Variants in ARHGEF7 observed in about 807,000 individuals in gnomAD.
ARHGEF7 encodes the protein PAK-interacting exchange factor beta.
A neutral mutation model predicts 109.8 loss-of-function variants in ARHGEF7; 33 were observed. That is an observed-to-expected ratio of 0.30 (90% CI 0.23 to 0.40). ARHGEF7 has a LOEUF of 0.40. Ranked by LOEUF, ARHGEF7 falls within the 10% of genes least tolerant of loss-of-function variation. The pLI is 1.00. For synonymous variants in ARHGEF7, 458 were observed against 424.6 expected, an observed-to-expected ratio of 1.08 and a Z score of -0.97; for missense variants, 938 against 1,098.5, an observed-to-expected ratio of 0.85 and a Z score of 2.07.
intron 5 of ARHGEF7, among the ~76,000 whole-genome samples, chr13:111,224,899 C>T (rs1286630208): frequency 1.3e-5 from 2 of 152,172 alleles, no homozygotes; most frequent in Non-Finnish European, 2.9e-5. Context: ...GGCTGCATTA[C>T]AGGATGGACC....
At position 111,272,569 on chromosome 13, in the gene ARHGEF7, A is replaced by G. The variant is rs967966299; in HGVS notation, c.1074-1245A>G. On this transcript the variant is annotated intron_variant, in intron 9 of 21. Transcript: ENST00000646102. This position sits in a 1 kb window ranked among gnomAD's most constrained non-coding sequence, Gnocchi z 5.2. ...AAAATTTGTTCCTAGGATTTGTGCC[A>G]TGGGTATCATTTGAACCAAGCTCTG... Among the ~76,000 whole-genome samples the G allele has an allele frequency of 2.6e-4, 39 of 152,304 alleles. No individual in the cohort carries two copies. The highest frequency in any genetic ancestry group is 1.4e-3 in the Admixed American group (22 of 15,306).
At chr13:111,193,578 C>G (rs1304047757) in intron 2 of ARHGEF7, among the ~76,000 whole-genome samples, 1 of 152,230 alleles carries the variant, frequency 6.6e-6, no homozygotes, top group Non-Finnish European at 1.5e-5. Flanking sequence ...GATAAGCGTA[C>G]TTGCTATCTG....
chr13:111,184,046 C>G (rs1428778039), intron 2 of ARHGEF7, among the ~76,000 whole-genome samples: 1 of 152,106 alleles, frequency 6.6e-6, no homozygotes, highest in Non-Finnish European at 1.5e-5. Context: ...ATAATAATCC[C>G]CACCTGTCAA....
intron 1 of ARHGEF7, among the ~76,000 whole-genome samples, chr13:111,132,829 C>CT (rs1293358435): frequency 1.4e-3 from 209 of 147,008 alleles, no homozygotes; most frequent in African/African-American, 4.8e-3. Context: ...CTTTTTAATC[C>CT]TTTTTTTTTT....
intron 2 of ARHGEF7, among the ~76,000 whole-genome samples, chr13:111,155,752 G>A (rs1438813165): frequency 6.6e-6 from 1 of 152,202 alleles, no homozygotes; most frequent in African/African-American, 2.4e-5. Flanking sequence ...TCTGACTTTA[G>A]TGTAAAACTT....
intron 2 of ARHGEF7, among the ~76,000 whole-genome samples, chr13:111,175,103 T>G (rs887558470): frequency 3.9e-5 from 6 of 152,182 alleles, no homozygotes; most frequent in African/African-American, 1.2e-4. Context: ...TGGGACGAGC[T>G]TCTCTAAATT....
chr13:111,280,103 A>G (rs966808514), intron 13 of ARHGEF7, among the ~76,000 whole-genome samples, 169 bp from the exon 14 acceptor site: 3 of 152,138 alleles, frequency 2.0e-5, no homozygotes, highest in African/African-American at 7.2e-5. Flanking sequence ...ATTATTTGAG[A>G]TAAAAATTTT....
intron 2 of ARHGEF7, among the ~76,000 whole-genome samples, chr13:111,168,135 C>G (rs1397713266): frequency 6.6e-6 from 1 of 152,168 alleles, no homozygotes; most frequent in African/African-American, 2.4e-5. Flanking sequence ...GGTTTTTCCT[C>G]TCTCGTCCAG....
At chr13:111,141,368 T>C (rs893983574) in intron 1 of ARHGEF7, among the ~76,000 whole-genome samples, 4 of 152,038 alleles carry the variant, frequency 2.6e-5, no homozygotes, top group African/African-American at 9.7e-5. Flanking sequence ...GTTTTTTTTT[T>C]TTAAATTACA....
In ARHGEF7 at chr13:111,288,395, A is replaced by G. The variant is rs769369057; in HGVS notation, c.2086A>G (p.Ile696Val). Residue 696 changes from isoleucine (I) to valine (V), a missense_variant, in exon 18 of 22, where the codon ATT becomes GTT. Physicochemically the swap from Ile to Val is conservative, Grantham distance 29. Transcript: ENST00000646102. ...LEEDAQILKV[I>V]EAYCTSAKTR... ...AGAAGATGCTCAGATTCTGAAAGTC[A>G]TTGAAGCTTACTGCACCAGCGCCAA... is the stretch of plus-strand genomic sequence containing the variant. 15 of 1,613,880 alleles carry G rather than the reference A, an allele frequency of 9.3e-6. No homozygotes were observed. Among genetic ancestry groups the G allele is most frequent in the Non-Finnish European group, 1.3e-5 (15 of 1,179,764 alleles).
At chr13:111,289,025 A>C (rs2093149429) in intron 18 of ARHGEF7, among the ~76,000 whole-genome samples, 3 of 152,062 alleles carry the variant, frequency 2.0e-5, no homozygotes, top group Non-Finnish European at 4.4e-5. Context: ...TTTTTCTATT[A>C]AGGTGGCTTT....
At chr13:111,117,695 C>T (rs571751941) in intron 1 of ARHGEF7, among the ~76,000 whole-genome samples, 10 of 152,062 alleles carry the variant, frequency 6.6e-5, no homozygotes, top group African/African-American at 9.6e-5. Flanking sequence ...CTTTCTTTCT[C>T]TCTCTCTCTC....
intron 5 of ARHGEF7, among the ~76,000 whole-genome samples, chr13:111,225,656 T>C (rs895506085): frequency 6.6e-6 from 1 of 152,202 alleles, no homozygotes; most frequent in African/African-American, 2.4e-5. Flanking sequence ...GTATCCGTTA[T>C]GGTGATCTGT....
intron 1 of ARHGEF7, among the ~76,000 whole-genome samples, chr13:111,134,038 C>T (rs961811591): frequency 1.7e-4 from 26 of 149,794 alleles, no homozygotes; most frequent in South Asian, 6.4e-4. Flanking sequence ...TGAGAACATG[C>T]GGTGTTTGGT....
At chr13:111,187,068 G>A in intron 2 of ARHGEF7, 1 of 959,884 alleles carries the variant, frequency 1.0e-6, no homozygotes, top group Non-Finnish European at 1.2e-6. Context: ...AAGCAGTTGG[G>A]CTGGAATAGA....
chr13:111,140,033 C>T (rs1382750208), intron 1 of ARHGEF7, among the ~76,000 whole-genome samples: 1 of 152,222 alleles, frequency 6.6e-6, no homozygotes, highest in East Asian at 1.9e-4. Context: ...TCACATTAGA[C>T]CAACTATATT....
intron 1 of ARHGEF7, among the ~76,000 whole-genome samples, chr13:111,125,385 C>CTTT (rs34548328): frequency 4.9e-5 from 7 of 143,968 alleles, no homozygotes; most frequent in Admixed American, 1.4e-4. Context: ...CTTGGAGCAG[C>CTTT]TTTTTTTTTT....
intron 18 of ARHGEF7, among the ~76,000 whole-genome samples, chr13:111,290,939 T>C (rs1025833935): frequency 6.6e-6 from 1 of 152,248 alleles, no homozygotes; most frequent in African/African-American, 2.4e-5. Context: ...AAATGCTTAG[T>C]AAAACGGGTT....
Position 111,288,454 on chromosome 13 carries a change from C to T in ARHGEF7, c.2134+11C>T, listed in dbSNP as rs1171450507. ...AAACACTCAATTCAAGTAAGTTTAGCAATAAGGCCTGGGAAGTGTGGTGGT... is the reference window on the plus strand; with the variant it reads ...AAACACTCAATTCAAGTAAGTTTAGTAATAAGGCCTGGGAAGTGTGGTGGT... On this transcript the variant is annotated intron_variant, in intron 18 of 21. Coordinates refer to ENST00000646102, the MANE Select transcript of ARHGEF7 (RefSeq NM_001354046.2). 2 of 1,599,998 alleles carry T rather than the reference C, an allele frequency of 1.3e-6. No homozygotes were observed. Among genetic ancestry groups the T allele is most frequent in the Non-Finnish European group, 1.7e-6 (2 of 1,167,424 alleles).
Sources: gnomAD v4.1 joint callset for allele counts (sites outside exome capture counted in the v4.1 genomes callset) on GRCh38, gnomAD v4.1.1 for gene constraint, Gnocchi (gnomAD v3.1) non-coding constraint, MANE v1.5 for transcripts, NCBI Gene and HGNC (gene_info 2026-07-23, HGNC 2026-07-21) for gene names.